The following VPS13B variants were observed in gnomAD, a reference collection of about 807,000 sequenced individuals.
VPS13B encodes the protein vacuolar protein sorting 13 homolog B.
In VPS13B, 285 loss-of-function variants were observed where a neutral mutation model predicts 426.4. The ratio of observed to expected loss-of-function variants is 0.67; its 90% CI spans 0.61 to 0.74. The LOEUF (loss-of-function observed/expected upper bound fraction) is 0.74. VPS13B is among the 30% of genes least tolerant of loss of function. The pLI is 0.00. For synonymous variants in VPS13B, 1,676 were observed against 1,676.4 expected, an observed-to-expected ratio of 1.00 and a Z score of 0.01; for missense variants, 4,537 against 4,782.6, an observed-to-expected ratio of 0.95 and a Z score of 1.51.
intron 3 of VPS13B, among the ~76,000 whole-genome samples, chr8:99,075,016 G>A (rs763830112): frequency 1.3e-5 from 2 of 152,036 alleles, no homozygotes; most frequent in Non-Finnish European, 2.9e-5. Context: ...GAGTTAGTAA[G>A]CTTCCCTTCT....
chr8:99,321,353 G>C (rs1431321857), intron 19 of VPS13B, among the ~76,000 whole-genome samples: 1 of 151,738 alleles, frequency 6.6e-6, no homozygotes, highest in Non-Finnish European at 1.5e-5. Context: ...AGGATTACTG[G>C]TGGCACCACC....
intron 39 of VPS13B, among the ~76,000 whole-genome samples, chr8:99,739,351 G>T (rs902595624): frequency 6.6e-6 from 1 of 152,216 alleles, no homozygotes; most frequent in Non-Finnish European, 1.5e-5. Context: ...GGAGCCCACC[G>T]CAGCTCAAGG....
At chr8:99,407,111 T>G (rs1815375715) in intron 21 of VPS13B, among the ~76,000 whole-genome samples, 1 of 152,152 alleles carries the variant, frequency 6.6e-6, no homozygotes, top group African/African-American at 2.4e-5. Context: ...TAGCTGAGAA[T>G]TGTCTGTAGG....
chr8:99,720,351 T>G lies in VPS13B; in HGVS notation c.6664T>G (p.Trp2222Gly), dbSNP rs1402976998. The change falls in exon 38 of 62, where the codon TGG becomes GGG. Residue 2222 changes from tryptophan (W) to glycine (G), a missense_variant. Trp to Gly is a radical substitution (Grantham distance 184, BLOSUM62 -2). Transcript: ENST00000357162. Reference sequence around the variant, plus strand: ...TTTTTTTATGATTTTAAAGGTCTTCTGGGGTCAAGAACATTTGAATTGTTT... The same window carrying G: ...TTTTTTTATGATTTTAAAGGTCTTCGGGGGTCAAGAACATTTGAATTGTTT... Reference protein sequence around the residue: ...DLRGGLLQVFWGQEHLNCLVL... With the variant: ...DLRGGLLQVFGGQEHLNCLVL... 16 of 1,612,470 alleles carry G rather than the reference T, an allele frequency of 9.9e-6. No homozygotes were observed. The highest frequency in any genetic ancestry group is 1.3e-5 in the Non-Finnish European group (15 of 1,179,752).
chr8:99,437,496 C>T (rs556503562), intron 22 of VPS13B, among the ~76,000 whole-genome samples: 6 of 151,682 alleles, frequency 4.0e-5, no homozygotes, highest in South Asian at 2.1e-4. Context: ...GGCAGGCAGA[C>T]GACTTGAGGT....
Position 99,149,740 on chromosome 8 carries a change from AAG to A in VPS13B, c.2013+1733_2013+1734del, listed in dbSNP as rs562596492. Among the ~76,000 whole-genome samples, 31 of 152,172 alleles carry A rather than the reference AAG, an allele frequency of 2.0e-4. No individual in the cohort carries two copies. The East Asian group carries it at 5.8e-3, about 28-fold the overall frequency. Reference sequence around the variant, plus strand: ...CCTTTTAGGAACTGGGTTGCAGAGAAAGAGGTGAATGGCAGGTGAGTGAGCGT... The same window carrying A: ...CCTTTTAGGAACTGGGTTGCAGAGAAAGGTGAATGGCAGGTGAGTGAGCGT... On this transcript the variant is annotated intron_variant, in intron 14 of 61. Transcript: ENST00000357162.
chr8:99,225,549 T>C (rs1815970567), intron 17 of VPS13B, among the ~76,000 whole-genome samples: 2 of 152,174 alleles, frequency 1.3e-5, no homozygotes, highest in Admixed American at 6.5e-5. Context: ...TATTTTCTAA[T>C]CAGAGCTAAT....
chr8:99,029,271 A>C (rs1255337423), intron 2 of VPS13B, among the ~76,000 whole-genome samples: 3 of 149,112 alleles, frequency 2.0e-5, no homozygotes, highest in Non-Finnish European at 4.5e-5. Context: ...GCGGCCGGGC[A>C]GAGACGCTCC....
intron 3 of VPS13B, among the ~76,000 whole-genome samples, chr8:99,072,919 T>A (rs1033696358): frequency 6.6e-6 from 1 of 152,164 alleles, no homozygotes; most frequent in Non-Finnish European, 1.5e-5. Flanking sequence ...ATACATGGAT[T>A]TATTTCTGGG....
intron 25 of VPS13B, among the ~76,000 whole-genome samples, chr8:99,489,358 T>C (rs1007951292): frequency 2.6e-5 from 4 of 151,950 alleles, no homozygotes; most frequent in African/African-American, 7.2e-5. Context: ...TTTTTTTTTT[T>C]CTGCTTAGGA....
At chr8:99,336,368 A>G (rs1810867270) in intron 19 of VPS13B, among the ~76,000 whole-genome samples, 1 of 152,288 alleles carries the variant, frequency 6.6e-6, no homozygotes, top group South Asian at 2.1e-4. Context: ...TTAATTCAAG[A>G]TGGATTAAAG....
chr8:99,076,911 G>T (rs913818140), intron 3 of VPS13B, among the ~76,000 whole-genome samples: 1 of 151,684 alleles, frequency 6.6e-6, no homozygotes, highest in African/African-American at 2.4e-5. Context: ...TTGTTTTCTG[G>T]TTGTTTTATA....
At chr8:99,185,526 G>T (rs1210544739) in intron 16 of VPS13B, among the ~76,000 whole-genome samples, 1 of 152,116 alleles carries the variant, frequency 6.6e-6, no homozygotes, top group Non-Finnish European at 1.5e-5. Flanking sequence ...TTATTTTACT[G>T]TACAGGATAT....
At chr8:99,366,296 C>G (rs1046865790) in intron 19 of VPS13B, among the ~76,000 whole-genome samples, 3 of 152,050 alleles carry the variant, frequency 2.0e-5, no homozygotes, top group African/African-American at 2.4e-5. Flanking sequence ...TTAAAATTTA[C>G]AATTATATCC....
intron 32 of VPS13B, 83 bp downstream of exon 32, chr8:99,575,867 C>G: frequency 7.1e-7 from 1 of 1,402,822 alleles, no homozygotes; most frequent in Non-Finnish European, 9.9e-7. Context: ...ACAGTTTCAG[C>G]CCATAGGACT....
At chr8:99,623,994 C>CATACATATATATATATATAT (rs1554877591) in intron 33 of VPS13B, among the ~76,000 whole-genome samples, 98 of 53,934 alleles carry the variant, frequency 1.8e-3, no homozygotes, top group East Asian at 0.011. Flanking sequence ...ATGAAACATA[C>CATACATATATATATATATAT]ATATATATAT....
At chr8:99,714,532 A>G (rs949027829) in intron 36 of VPS13B, among the ~76,000 whole-genome samples, 2 of 152,204 alleles carry the variant, frequency 1.3e-5, no homozygotes, top group African/African-American at 4.8e-5. Flanking sequence ...CCCCACAAAA[A>G]TACTTATTTA....
intron 54 of VPS13B, among the ~76,000 whole-genome samples, chr8:99,837,679 G>T (rs1815465723): frequency 6.6e-6 from 1 of 152,144 alleles, no homozygotes; most frequent in Non-Finnish European, 1.5e-5. Context: ...CATATGTCCT[G>T]CAGACCGTGG....
intron 22 of VPS13B, among the ~76,000 whole-genome samples, chr8:99,433,181 C>A (rs916802012): frequency 6.6e-6 from 1 of 152,176 alleles, no homozygotes; most frequent in Non-Finnish European, 1.5e-5. Context: ...GCTGCACTGC[C>A]CTTCAGCAGG....
Sources: gnomAD v4.1 joint callset for allele counts (sites outside exome capture counted in the v4.1 genomes callset) on GRCh38, gnomAD v4.1.1 for gene constraint, MANE v1.5 for transcripts, NCBI Gene and HGNC (gene_info 2026-07-23, HGNC 2026-07-21) for gene names.